Variants in PPP4R2 observed in about 807,000 individuals in gnomAD.
The protein encoded by PPP4R2 is protein phosphatase 4 regulatory subunit 2.
PPP4R2 carries 13 observed loss-of-function variants against 47.2 expected under a neutral mutation model. The observed-to-expected ratio is 0.28, with a 90% CI of 0.18 to 0.44. PPP4R2 has a LOEUF of 0.44. PPP4R2 is among the 20% of genes least tolerant of loss of function. The pLI is 1.00. For missense variants in PPP4R2, 421 were observed against 491.2 expected (o/e 0.86, Z 1.35); for synonymous variants, 151 against 163.3 (o/e 0.92, Z 0.57).
chr3:73,064,284 C>G, intron 7 of PPP4R2, 138 bp downstream of exon 7: 3 of 691,456 alleles, frequency 4.3e-6, no homozygotes, highest in Non-Finnish European at 7.0e-6. Flanking sequence ...GCACTGGCTT[C>G]TCTTTGCAGC....
At chr3:73,020,770 C>A (rs1299915840) in intron 2 of PPP4R2, among the ~76,000 whole-genome samples, 1 of 151,818 alleles carries the variant, frequency 6.6e-6, no homozygotes, top group Non-Finnish European at 1.5e-5. Flanking sequence ...TGAAACAGTC[C>A]TCTCACCTTG....
chr3:73,005,838 A>AAAAAAAAAAAG (rs1701599323), intron 2 of PPP4R2, among the ~76,000 whole-genome samples: 1 of 151,990 alleles, frequency 6.6e-6, no homozygotes. Flanking sequence ...GTCTGCAAAA[A>AAAAAAAAAAAG]AAAAAAAATC....
chr3:73,016,634 A>T (rs949052270), intron 2 of PPP4R2, among the ~76,000 whole-genome samples: 1 of 152,136 alleles, frequency 6.6e-6, no homozygotes, highest in Admixed American at 6.5e-5. Flanking sequence ...TTGAGACGGT[A>T]AAGTATAATT....
chr3:72,996,887 C>G lies in PPP4R2; in HGVS notation c.-151C>G. 2.2e-6 allele frequency: 1 copy of G among 452,132 alleles called. No homozygotes were observed. Among genetic ancestry groups the G allele is most frequent in the Non-Finnish European group, 3.8e-6 (1 of 261,236 alleles). The allele number at this position is 452,132 out of a possible 1,614,324, so 28.0% of individuals were successfully genotyped here. ...GTCGGTCTTGCTCTCTCGCACGCTT[C>G]CCCCGGCTCCCTTCGTTTCCCCCCC... is the stretch of plus-strand genomic sequence containing the variant. On this transcript the variant is annotated 5_prime_UTR_variant, in exon 1 of 9. Transcript: ENST00000356692.
intron 2 of PPP4R2, among the ~76,000 whole-genome samples, chr3:73,031,369 GTC>G (rs1167999599): frequency 6.6e-6 from 1 of 152,022 alleles, no homozygotes; most frequent in Non-Finnish European, 1.5e-5. Flanking sequence ...GTGAAACCCT[GTC>G]TCTGCTAATA....
intron 2 of PPP4R2, among the ~76,000 whole-genome samples, chr3:73,041,895 T>C (rs1219794084): frequency 6.6e-6 from 1 of 152,232 alleles, no homozygotes; most frequent in Non-Finnish European, 1.5e-5. Context: ...AGAAACATGT[T>C]TGAATATGAA....
intron 2 of PPP4R2, among the ~76,000 whole-genome samples, chr3:73,032,458 T>C (rs1403711007): frequency 2.0e-5 from 3 of 152,022 alleles, no homozygotes; most frequent in South Asian, 4.1e-4. Context: ...CCAGCTAATT[T>C]TTGTATTTTT....
intron 2 of PPP4R2, among the ~76,000 whole-genome samples, chr3:73,002,233 A>G (rs567620410): frequency 6.6e-6 from 1 of 152,158 alleles, no homozygotes; most frequent in South Asian, 2.1e-4. Context: ...ATTGATGGGA[A>G]CTCAGGTTGG....
At chr3:73,035,838 C>G (rs924493492) in intron 2 of PPP4R2, among the ~76,000 whole-genome samples, 2 of 152,026 alleles carry the variant, frequency 1.3e-5, no homozygotes, top group Non-Finnish European at 2.9e-5. Context: ...GTTGGCCAGG[C>G]TGGTCTTGAA....
At chr3:73,049,192 C>A (rs1261895301) in intron 3 of PPP4R2, among the ~76,000 whole-genome samples, 1 of 152,114 alleles carries the variant, frequency 6.6e-6, no homozygotes, top group East Asian at 1.9e-4. Flanking sequence ...TAAATGAATA[C>A]ATTCAAGATT....
At chr3:73,037,728 A>C (rs1702294292) in intron 2 of PPP4R2, among the ~76,000 whole-genome samples, 1 of 152,204 alleles carries the variant, frequency 6.6e-6, no homozygotes, top group Non-Finnish European at 1.5e-5. Flanking sequence ...TGTAAGGTTC[A>C]GCTTAAAGTT....
At chr3:73,019,212 G>A (rs1701909736) in intron 2 of PPP4R2, among the ~76,000 whole-genome samples, 1 of 152,136 alleles carries the variant, frequency 6.6e-6, no homozygotes, top group Non-Finnish European at 1.5e-5. Context: ...TAGGTGTATA[G>A]TAGACTATAC....
At chr3:73,030,300 A>G (rs1346934985) in intron 2 of PPP4R2, among the ~76,000 whole-genome samples, 1 of 152,244 alleles carries the variant, frequency 6.6e-6, no homozygotes, top group Non-Finnish European at 1.5e-5. Context: ...CTATGATAAC[A>G]GGTGGGAGTT....
At chr3:72,998,598 T>A (rs886167194) in intron 2 of PPP4R2, among the ~76,000 whole-genome samples, 6 of 152,228 alleles carry the variant, frequency 3.9e-5, no homozygotes, top group African/African-American at 1.2e-4. Context: ...TATGTAGGTG[T>A]TTAAAGTGTC....
chr3:73,018,935 C>CT (rs1701905020), intron 2 of PPP4R2, among the ~76,000 whole-genome samples: 1 of 152,094 alleles, frequency 6.6e-6, no homozygotes, highest in Non-Finnish European at 1.5e-5. Context: ...TCTGTTTCTA[C>CT]TTGTGGTTCT....
At chr3:73,062,610 C>T in intron 5 of PPP4R2, 1 of 1,613,968 alleles carries the variant, frequency 6.2e-7, no homozygotes, top group Non-Finnish European at 8.5e-7. Context: ...CTTTATTGCC[C>T]TTGAGAAGTC....
intron 2 of PPP4R2, among the ~76,000 whole-genome samples, chr3:73,043,526 C>T (rs1702423511): frequency 6.6e-6 from 1 of 152,114 alleles, no homozygotes; most frequent in Non-Finnish European, 1.5e-5. Flanking sequence ...AAGTACTTTC[C>T]AAAGCAACTA....
rs932544016 is a variant in PPP4R2, at chr3:73,045,929, A to G, written c.117-1257A>G. Among the ~76,000 whole-genome samples the G allele has an allele frequency of 3.0e-4, 45 of 152,342 alleles. 1 individual carries two copies. The highest frequency in any genetic ancestry group is 1.0e-3 in the South Asian group (5 of 4,832). On this transcript the variant is annotated intron_variant, in intron 2 of 8. Coordinates refer to ENST00000356692, the MANE Select transcript of PPP4R2 (RefSeq NM_174907.4). ...AAAGGTATTGTTCTTTGAGAATCTCATACCTCTTTGATATGCAGCATAATT... is the reference window on the plus strand; with the variant it reads ...AAAGGTATTGTTCTTTGAGAATCTCGTACCTCTTTGATATGCAGCATAATT...
Position 73,007,908 on chromosome 3 carries a change from A to G in PPP4R2, c.116+9750A>G, listed in dbSNP as rs534405677. On this transcript the variant is annotated intron_variant, in intron 2 of 8. Transcript: ENST00000356692. ...ATACTACCTTTATGAATTTTTCCAC[A>G]TTCTTGTAACATCTGTACAATTACT... 7.0e-4 allele frequency among the ~76,000 whole-genome samples: 104 copies of G among 147,816 alleles called. 1 individual carries two copies. The highest frequency in any genetic ancestry group is 4.6e-4 in the Non-Finnish European group (31 of 66,970).
Sources: gnomAD v4.1 joint callset for allele counts (sites outside exome capture counted in the v4.1 genomes callset) on GRCh38, gnomAD v4.1.1 for gene constraint, MANE v1.5 for transcripts, NCBI Gene and HGNC (gene_info 2026-07-23, HGNC 2026-07-21) for gene names.